Variants in HIP1 observed in about 807,000 individuals in gnomAD.
The protein encoded by HIP1 is huntingtin interacting protein 1, also known as huntingtin-interacting protein 1.
A neutral mutation model predicts 147.6 loss-of-function variants in HIP1; 65 were observed. The observed-to-expected ratio is 0.44, with a 90% CI of 0.36 to 0.54. The LOEUF is 0.54. Ranked by LOEUF, HIP1 falls within the 20% of genes least tolerant of loss-of-function variation. HIP1 has a pLI of 0.00. For missense variants in HIP1, 1,061 were observed against 1,299.6 expected, an observed-to-expected ratio of 0.82 and a Z score of 2.82; for synonymous variants, 479 against 504.0, an observed-to-expected ratio of 0.95 and a Z score of 0.67.
intron 1 of HIP1, among the ~76,000 whole-genome samples, chr7:75,689,940 C>A (rs1359866139): frequency 6.6e-6 from 1 of 152,092 alleles, no homozygotes; most frequent in Non-Finnish European, 1.5e-5. Context: ...GCCCTGGCTC[C>A]CGGTCTGCAG....
chr7:75,631,922 T>C (rs1798235336), intron 1 of HIP1, among the ~76,000 whole-genome samples: 1 of 150,998 alleles, frequency 6.6e-6, no homozygotes, highest in South Asian at 2.1e-4. Context: ...CGGCAGGAAA[T>C]GGGGAAGTGG....
intron 1 of HIP1, among the ~76,000 whole-genome samples, chr7:75,609,627 G>A (rs186315905): frequency 2.0e-5 from 3 of 151,030 alleles, no homozygotes; most frequent in Admixed American, 6.6e-5. Context: ...GCGCAATCTC[G>A]GCTCAGTGCA....
At chr7:75,637,536 ATTTTTTTTTTTTTTTT>A (rs869251770) in intron 1 of HIP1, among the ~76,000 whole-genome samples, 1 of 70,892 alleles carries the variant, frequency 1.4e-5, no homozygotes, top group South Asian at 7.2e-4. Flanking sequence ...TGCAGAGAGG[ATTTTTTTTTTTTTTTT>A]TTTTTTTTTT....
Position 75,662,909 on chromosome 7 carries a change from C to T in HIP1, c.121-63662G>A, listed in dbSNP as rs149218488. Reference sequence around the variant, plus strand: ...GGACAGAGCAAGTTCTCAGAGGACACCAGCACAGGTGGCTAAGATCCGAGC... The same window carrying T: ...GGACAGAGCAAGTTCTCAGAGGACATCAGCACAGGTGGCTAAGATCCGAGC... On this transcript the variant is annotated intron_variant, in intron 1 of 30. Coordinates refer to ENST00000336926, the MANE Select transcript of HIP1 (RefSeq NM_005338.7). 1.8e-4 allele frequency among the ~76,000 whole-genome samples: 27 copies of T among 152,256 alleles called. 1 individual carries two copies. In the East Asian group the frequency reaches 4.8e-3, roughly 27 times the overall value.
intron 1 of HIP1, among the ~76,000 whole-genome samples, chr7:75,703,506 G>A (rs782389524): frequency 6.6e-6 from 1 of 152,062 alleles, no homozygotes; most frequent in Non-Finnish European, 1.5e-5. Context: ...AGCTGGGTGT[G>A]GTGGCACATG....
At position 75,541,893 on chromosome 7, in the gene HIP1, T is replaced by C. The variant is rs1554489958; in HGVS notation, c.2952+26A>G. 6 of 1,555,240 alleles carry C rather than the reference T, an allele frequency of 3.9e-6. No individual in the cohort carries two copies. In the South Asian group the frequency reaches 5.6e-5, roughly 14 times the overall value. Reference sequence around the variant, plus strand: ...GTCCATGTCTAGGCAATAGAGGCTATCTAGACTTACAGATGGAGCTCTCAC... The same window carrying C: ...GTCCATGTCTAGGCAATAGAGGCTACCTAGACTTACAGATGGAGCTCTCAC... On this transcript the variant is annotated intron_variant, in intron 29 of 30. Transcript: ENST00000336926.
intron 29 of HIP1, among the ~76,000 whole-genome samples, chr7:75,540,351 C>T (rs992146808): frequency 6.6e-6 from 1 of 150,568 alleles, no homozygotes; most frequent in African/African-American, 2.5e-5. Flanking sequence ...ATCGCTTGAA[C>T]CTGGAAGGCG....
chr7:75,719,228 GGC>G (rs1801417501), intron 1 of HIP1, among the ~76,000 whole-genome samples: 1 of 152,074 alleles, frequency 6.6e-6, no homozygotes, highest in Non-Finnish European at 1.5e-5. Flanking sequence ...GACTAGGCCG[GGC>G]GTGGTGGCTC....
chr7:75,622,729 A>C (rs1554507338), intron 1 of HIP1, among the ~76,000 whole-genome samples: 1 of 151,104 alleles, frequency 6.6e-6, no homozygotes, highest in Non-Finnish European at 1.5e-5. Flanking sequence ...TGTAATCCCA[A>C]TGCTTTGGGA....
rs1794155160 is a variant in HIP1, at chr7:75,538,115, A to G, written c.*57T>C. The G allele has an allele frequency of 2.8e-6, 4 of 1,432,290 alleles. No individual in the cohort carries two copies. The South Asian group carries it at 4.6e-5, about 16-fold the overall frequency. 88.7% of individuals were successfully genotyped at this position (1,432,290 alleles called of 1,614,324 possible). A position where few individuals can be genotyped will look rare whatever the true frequency, so the allele number is the denominator to read the frequency against. ...GATTTGGCCTGTGGCTGGGGAAATA[A>G]CACACACGAGATAGGTAACAAGGAT... On this transcript the variant is annotated 3_prime_UTR_variant, in exon 31 of 31. Transcript: ENST00000336926.
At chr7:75,704,807 A>C (rs1270972388) in intron 1 of HIP1, among the ~76,000 whole-genome samples, 5 of 151,950 alleles carry the variant, frequency 3.3e-5, no homozygotes, top group African/African-American at 1.2e-4. Context: ...TCCTGACCTC[A>C]GGTGAACTGC....
intron 1 of HIP1, among the ~76,000 whole-genome samples, chr7:75,657,839 C>T (rs782553667): frequency 4.6e-5 from 7 of 152,018 alleles, no homozygotes; most frequent in African/African-American, 1.2e-4. Flanking sequence ...CTTAGCATCA[C>T]ACAATATATC....
chr7:75,621,318 G>A (rs942388918), intron 1 of HIP1, among the ~76,000 whole-genome samples: 2 of 96,670 alleles, frequency 2.1e-5, no homozygotes, highest in African/African-American at 2.9e-5. Flanking sequence ...GGCTAGAGCC[G>A]GAAGTCAGGG....
At chr7:75,719,957 C>T (rs1801449506) in intron 1 of HIP1, among the ~76,000 whole-genome samples, 1 of 152,090 alleles carries the variant, frequency 6.6e-6, no homozygotes. Context: ...TTTGCCTTTT[C>T]TAATCCTCGG....
intron 26 of HIP1, 132 bp downstream of exon 26, chr7:75,544,956 C>T (rs1794493436): frequency 2.1e-5 from 16 of 753,770 alleles, no homozygotes; most frequent in Non-Finnish European, 2.9e-5. Flanking sequence ...CTTGTAAACT[C>T]GGTCCTATTG....
chr7:75,660,435 G>A (rs534145393), intron 1 of HIP1, among the ~76,000 whole-genome samples: 3 of 152,118 alleles, frequency 2.0e-5, no homozygotes, highest in African/African-American at 7.2e-5. Flanking sequence ...GCTGAGGCAG[G>A]AGAATTGCTT....
chr7:75,562,952 T>C lies in HIP1; in HGVS notation c.1003A>G (p.Met335Val). 6.2e-7 allele frequency: 1 copy of C among 1,614,184 alleles called. No individual in the cohort carries two copies. Among genetic ancestry groups the C allele is most frequent in the Non-Finnish European group, 8.5e-7 (1 of 1,180,032 alleles). ...PVLEKDDLMD[M>V]DASQQNLFDN... ...GTCCTCACCTGCTGAGAGGCATCCA[T>C]GTCCATGAGGTCATCCTTCTCTAGG... The change falls in exon 11 of 31, where the codon ATG (methionine) becomes GTG (valine). Residue 335 changes from methionine (M) to valine (V), a missense_variant. Met to Val is a conservative substitution (Grantham distance 21). Coordinates refer to ENST00000336926, the MANE Select transcript of HIP1 (RefSeq NM_005338.7).
chr7:75,639,055 T>C, intron 1 of HIP1: 1 of 983,642 alleles, frequency 1.0e-6, no homozygotes, highest in Non-Finnish European at 1.2e-6. Context: ...ACTTACCATC[T>C]TGCTCACATC....
rs565090268 is a variant in HIP1 at position 75,698,225 on chromosome 7, G to T, written c.120+40576C>A. On this transcript the variant is annotated intron_variant, in intron 1 of 30. Coordinates refer to ENST00000336926, the MANE Select transcript of HIP1 (RefSeq NM_005338.7). ...CATTACTATTAAAAGACTAAGAAAA[G>T]TAGATAATATTTAGAGGGCTCACTA... 2.0e-5 allele frequency among the ~76,000 whole-genome samples: 3 copies of T among 152,156 alleles called. No individual in the cohort carries two copies. In the East Asian group the frequency reaches 5.8e-4, roughly 29 times the overall value.
Sources: allele counts gnomAD v4.1 joint callset (sites outside exome capture counted in the v4.1 genomes callset), GRCh38; gene constraint gnomAD v4.1.1; transcripts MANE v1.5; gene names NCBI Gene and HGNC (gene_info 2026-07-23, HGNC 2026-07-21).